ARHGEF10L: variants seen among roughly 807,000 people sequenced by gnomAD.
ARHGEF10L encodes rho guanine nucleotide exchange factor 10-like protein.
Under a neutral mutation model 141.2 loss-of-function variants are expected in ARHGEF10L, and 69 were observed. The ratio of observed to expected loss-of-function variants is 0.49; its 90% confidence interval spans 0.40 to 0.60. The LOEUF is 0.60. ARHGEF10L is among the 20% of genes least tolerant of loss of function. The probability of loss-of-function intolerance (pLI) is 0.00; values close to 1 mark genes in which losing one functional copy is unlikely to be tolerated. For missense variants in ARHGEF10L, 1,482 were observed against 1,734.3 expected, an observed-to-expected ratio of 0.85 and a Z score of 2.58; for synonymous variants, 711 against 718.5, an observed-to-expected ratio of 0.99 and a Z score of 0.17.
chr1:17,621,720 G>A lies in ARHGEF10L; in HGVS notation c.943-144G>A, dbSNP rs143456260. ...GGGTTGGCAGGGGCTCTGGAAGGAA[G>A]AGTGGCCACCAGGCCCAGTGGTCCC... On this transcript the variant is annotated intron_variant, in intron 10 of 28. Coordinates refer to ENST00000361221, the MANE Select transcript of ARHGEF10L (RefSeq NM_018125.4). This position sits in a 1 kb window ranked among gnomAD's most constrained non-coding sequence, Gnocchi z 4.1. 2.9e-4 allele frequency: 203 copies of A among 711,798 alleles called. 1 individual carries two copies. In the East Asian group the frequency reaches 4.0e-3, roughly 14 times the overall value. The allele number at this position is 711,798 out of a possible 1,614,324, so 44.1% of individuals were successfully genotyped here. A position where few individuals can be genotyped will look rare whatever the true frequency, so the allele number is the denominator to read the frequency against.
chr1:17,695,032 A>G (rs2102607223), intron 27 of ARHGEF10L, 126 bp from the exon 28 acceptor site: 1 of 1,425,132 alleles, frequency 7.0e-7, no homozygotes, highest in African/African-American at 1.4e-5. Context: ...TCCCCACCCC[A>G]CCGCCCAACT....
At chr1:17,691,197 G>A (rs757187870) in intron 27 of ARHGEF10L, 5 of 446,182 alleles carry the variant, frequency 1.1e-5, no homozygotes, top group African/African-American at 2.0e-5. Context: ...GCTTGGGTGA[G>A]TTGAACACTG....
At chr1:17,593,176 A>T (rs528677237) in intron 4 of ARHGEF10L, among the ~76,000 whole-genome samples, 2 of 152,326 alleles carry the variant, frequency 1.3e-5, no homozygotes, top group African/African-American at 4.8e-5. Flanking sequence ...TCCTCCCTGC[A>T]TCCCTGCAGC....
chr1:17,623,589 T>A lies in ARHGEF10L; in HGVS notation c.1200+414T>A, dbSNP rs758196819. On this transcript the variant is annotated intron_variant, in intron 12 of 28. Transcript: ENST00000361221. The surrounding 1 kb of genome is among the most constrained non-coding windows in gnomAD (Gnocchi z 4.7). The stretch of plus-strand genomic sequence containing the variant: ...TGCCGCAGTGCTGGGGAAAGGGCAC[T>A]GGCTCACGATCCGGGGGACCTGGTT... Among the ~76,000 whole-genome samples the A allele has an allele frequency of 2.0e-5, 3 of 152,186 alleles. No individual in the cohort carries two copies. Among genetic ancestry groups the A allele is most frequent in the Non-Finnish European group, 4.4e-5 (3 of 68,034 alleles).
rs1337277914 is a variant in ARHGEF10L, at chr1:17,640,187, C to G, written c.2172-15C>G. On this transcript the variant is annotated splice_polypyrimidine_tract_variant and intron_variant, in intron 20 of 28. Coordinates refer to ENST00000361221, the MANE Select transcript of ARHGEF10L (RefSeq NM_018125.4). ...GTGGGTACTCACACATCCACTCTAACCCTTCTCACCACAGGTCCGGCCGCC... is the reference window on the plus strand; with the variant it reads ...GTGGGTACTCACACATCCACTCTAAGCCTTCTCACCACAGGTCCGGCCGCC... 6.2e-7 allele frequency: 1 copy of G among 1,606,112 alleles called. No homozygotes were observed. Among genetic ancestry groups the G allele is most frequent in the East Asian group, 2.2e-5 (1 of 44,856 alleles).
intron 26 of ARHGEF10L, among the ~76,000 whole-genome samples, chr1:17,682,417 A>G (rs2064197156): frequency 6.6e-6 from 1 of 152,082 alleles, no homozygotes; most frequent in African/African-American, 2.4e-5. Context: ...ACCACCTCCA[A>G]GCCTGCCAAG....
At chr1:17,560,157 C>T (rs2077489377) in intron 1 of ARHGEF10L, among the ~76,000 whole-genome samples, 1 of 152,098 alleles carries the variant, frequency 6.6e-6, no homozygotes, top group African/African-American at 2.4e-5. Flanking sequence ...TGCTTTGTGC[C>T]AGGTGATTGT....
intron 26 of ARHGEF10L, among the ~76,000 whole-genome samples, chr1:17,672,483 G>A (rs929714594): frequency 2.0e-5 from 3 of 152,166 alleles, no homozygotes; most frequent in East Asian, 3.9e-4. Flanking sequence ...GAGGAGGAGC[G>A]CCTGGTGTCT....
chr1:17,591,935 T>TA lies in ARHGEF10L; in HGVS notation c.257+3457dup, dbSNP rs924963836. On this transcript the variant is annotated intron_variant, in intron 4 of 28. Coordinates refer to ENST00000361221, the MANE Select transcript of ARHGEF10L (RefSeq NM_018125.4). ...ATTTTGCAGATGAGCAGCTGAGGCTTAGAGAACTGAAGTAATTTACCCAAA... is the reference window on the plus strand; with the variant it reads ...ATTTTGCAGATGAGCAGCTGAGGCTTAAGAGAACTGAAGTAATTTACCCAAA... 9.2e-5 allele frequency among the ~76,000 whole-genome samples: 14 copies of TA among 152,336 alleles called. No homozygotes were observed. In the Middle Eastern group the frequency reaches 0.014, roughly 148 times the overall value.
At chr1:17,653,487 G>C (rs546308185) in intron 22 of ARHGEF10L, among the ~76,000 whole-genome samples, 4 of 152,180 alleles carry the variant, frequency 2.6e-5, no homozygotes, top group African/African-American at 9.7e-5. Flanking sequence ...CCGTGGCCTC[G>C]TCTCCACCAA....
intron 7 of ARHGEF10L, among the ~76,000 whole-genome samples, chr1:17,608,979 C>T (rs1167830288): frequency 2.0e-5 from 3 of 152,114 alleles, no homozygotes; most frequent in Admixed American, 6.6e-5. Flanking sequence ...GATGGGGTTT[C>T]GTCATGTTGC....
intron 4 of ARHGEF10L, among the ~76,000 whole-genome samples, chr1:17,598,019 C>G (rs548426087): frequency 6.6e-6 from 1 of 152,164 alleles, no homozygotes; most frequent in Non-Finnish European, 1.5e-5. Context: ...CTGGGTGTTA[C>G]GCTTTCTCTT....
intron 15 of ARHGEF10L, among the ~76,000 whole-genome samples, chr1:17,631,411 C>G (rs892666480): frequency 6.6e-5 from 10 of 152,208 alleles, no homozygotes; most frequent in Admixed American, 4.6e-4. Context: ...GTGTGAAAGT[C>G]TTTGTCCTCA....
intron 4 of ARHGEF10L, among the ~76,000 whole-genome samples, chr1:17,601,075 A>AAAC (rs374679959): frequency 0.023 from 3,473 of 151,212 alleles, 146 homozygotes; most frequent in African/African-American, 0.081. Context: ...AAAACAAAAA[A>AAAC]CAAAAAACTC....
At chr1:17,576,972 G>T (rs1272997793) in intron 1 of ARHGEF10L, among the ~76,000 whole-genome samples, 1 of 152,170 alleles carries the variant, frequency 6.6e-6, no homozygotes, top group Non-Finnish European at 1.5e-5. Flanking sequence ...TGCCCTCTTG[G>T]AGCTACTTTC....
intron 6 of ARHGEF10L, among the ~76,000 whole-genome samples, chr1:17,606,071 G>C (rs1242719846): frequency 6.6e-6 from 1 of 152,070 alleles, no homozygotes; most frequent in Non-Finnish European, 1.5e-5. Flanking sequence ...CTGGGTCTAT[G>C]GACTGACACC....
chr1:17,576,780 GA>G (rs2078242503), intron 1 of ARHGEF10L, among the ~76,000 whole-genome samples: 1 of 152,212 alleles, frequency 6.6e-6, no homozygotes, highest in Non-Finnish European at 1.5e-5. Context: ...GCCCCAGTGA[GA>G]AAGGAATTCA....
the ARHGEF10L span, among the ~76,000 whole-genome samples, chr1:17,517,499 G>A: frequency 6.6e-6 from 1 of 151,128 alleles, no homozygotes; most frequent in Non-Finnish European, 1.5e-5. Flanking sequence ...AGTTTTTGTA[G>A]AGAGAGTTTC....
Position 17,603,415 on chromosome 1 carries a change from C to T in ARHGEF10L, c.350-93C>T. 1.0e-6 allele frequency: 1 copy of T among 957,360 alleles called. No homozygotes were observed. The highest frequency in any genetic ancestry group is 1.6e-6 in the Non-Finnish European group (1 of 642,342). 59.3% of individuals were successfully genotyped at this position (957,360 alleles called of 1,614,324 possible). ...TATCAGAAAGGAGGGTGCTGCGTGC[C>T]ACCAGCTGGTGCAGTCCTGATGTCA... On this transcript the variant is annotated intron_variant, in intron 5 of 28. Transcript: ENST00000361221. The surrounding 1 kb of genome is among the most constrained non-coding windows in gnomAD (Gnocchi z 4.8).
Sources: allele counts gnomAD v4.1 joint callset (sites outside exome capture counted in the v4.1 genomes callset), GRCh38; gene constraint gnomAD v4.1.1; non-coding constraint Gnocchi (gnomAD v3.1); transcripts MANE v1.5; gene names NCBI Gene and HGNC (gene_info 2026-07-23, HGNC 2026-07-21).